Variants in CYRIB observed in about 807,000 individuals in gnomAD.
CYRIB encodes the protein CYFIP related Rac1 interactor B.
CYRIB carries 8 observed loss-of-function variants against 44.2 expected under a neutral mutation model. The ratio of observed to expected loss-of-function variants is 0.18; its 90% CI spans 0.11 to 0.33. The LOEUF (loss-of-function observed/expected upper bound fraction) is 0.33, where lower values mean the gene tolerates loss of function less well. Among genes scored for constraint, CYRIB ranks in the 10% least tolerant of loss-of-function variants. The pLI is 1.00. For missense variants in CYRIB, 185 were observed against 382.8 expected (o/e 0.48, Z 4.31); for synonymous variants, 131 against 127.2 (o/e 1.03, Z -0.20).
At chr8:129,855,824 A>G (rs367790590) in intron 5 of CYRIB, 77 bp from the exon 8 acceptor site, 5 of 1,292,926 alleles carry the variant, frequency 3.9e-6, no homozygotes, top group Non-Finnish European at 2.1e-6. Flanking sequence ...TGAACAATTC[A>G]TAAATGTTAA....
chr8:129,924,328 C>G lies in CYRIB; in HGVS notation c.-50+15280G>C, dbSNP rs375634585. Among the ~76,000 whole-genome samples, 82 of 121,898 alleles carry G rather than the reference C, an allele frequency of 6.7e-4. 1 individual carries two copies. The highest frequency in any genetic ancestry group is 1.2e-3 in the Non-Finnish European group (73 of 59,060). The allele number at this position is 121,898 out of a possible 152,430, so 80.0% of individuals were successfully genotyped here. On this transcript the variant is annotated intron_variant, in intron 1 of 11. Coordinates refer to ENST00000519824, the Ensembl canonical transcript of CYRIB. The stretch of plus-strand genomic sequence containing the variant: ...GGGTGGCGGGGGGGGTGTTACTTAC[C>G]TCACATCAGTGCTAATAAGAGGTCA...
intron 1 of CYRIB, among the ~76,000 whole-genome samples, chr8:129,989,293 G>C (rs1005584858): frequency 6.6e-6 from 1 of 152,058 alleles, no homozygotes; most frequent in Non-Finnish European, 1.5e-5. Flanking sequence ...CTCTCCTACC[G>C]GTAAATATGG....
At position 129,930,210 on chromosome 8, in the gene CYRIB, C is replaced by CA. The variant is rs1205123071; in HGVS notation, c.-50+9397dup. ...TGAGTGACAGAGCGAGACTCTGTCT[C>CA]AAAAAAAACAAACAAACAAATAAAA... On this transcript the variant is annotated intron_variant, in intron 1 of 11. Transcript: ENST00000519824. Among the ~76,000 whole-genome samples the CA allele has an allele frequency of 2.3e-3, 346 of 148,598 alleles. 4 individuals are homozygous for CA. The highest frequency in any genetic ancestry group is 8.0e-3 in the African/African-American group (324 of 40,510).
At chr8:129,995,708 G>A (rs1157047415) in intron 1 of CYRIB, among the ~76,000 whole-genome samples, 4 of 152,150 alleles carry the variant, frequency 2.6e-5, no homozygotes, top group Non-Finnish European at 5.9e-5. Context: ...CATTTGCTGG[G>A]CATCACAGAT....
intron 1 of CYRIB, among the ~76,000 whole-genome samples, chr8:129,931,994 CTTCT>C (rs1409077713): frequency 2.1e-5 from 3 of 146,336 alleles, no homozygotes; most frequent in African/African-American, 2.5e-5. Flanking sequence ...TCATAAGTAT[CTTCT>C]TTTTTTTTTT....
intron 1 of CYRIB, among the ~76,000 whole-genome samples, chr8:129,908,952 A>C (rs77519872): frequency 9.8e-6 from 1 of 101,566 alleles, no homozygotes; most frequent in African/African-American, 3.3e-5. Context: ...TAAAGATTTT[A>C]AAAAAATGTT....
chr8:129,985,427 G>A (rs28702583), intron 1 of CYRIB, among the ~76,000 whole-genome samples: 26 of 152,118 alleles, frequency 1.7e-4, no homozygotes, highest in Non-Finnish European at 1.6e-4. Flanking sequence ...TCCATGAGCC[G>A]GTGACCCACT....
intron 1 of CYRIB, among the ~76,000 whole-genome samples, chr8:130,001,740 A>G (rs2096913872): frequency 6.6e-6 from 1 of 151,870 alleles, no homozygotes; most frequent in African/African-American, 2.4e-5. Flanking sequence ...TCGACTTCCA[A>G]AAGTGTTGGG....
At chr8:129,978,875 T>TCTGTAATCCCAGCACTTTGGGAGGC (rs1390541788) in intron 1 of CYRIB, among the ~76,000 whole-genome samples, 1 of 152,016 alleles carries the variant, frequency 6.6e-6, no homozygotes, top group Non-Finnish European at 1.5e-5. Context: ...GTGGCTCACG[T>TCTGTAATCCCAGCACTTTGGGAGGC]CTGTAATCCC....
chr8:129,864,792 C>T, intron 4 of CYRIB: 1 of 438,430 alleles, frequency 2.3e-6, no homozygotes, highest in East Asian at 7.1e-5. Flanking sequence ...CACTGTGGGG[C>T]CGCGTCCTGA....
intron 1 of CYRIB, among the ~76,000 whole-genome samples, chr8:129,982,632 T>C (rs1317871155): frequency 1.3e-5 from 2 of 152,186 alleles, no homozygotes; most frequent in Non-Finnish European, 2.9e-5. Flanking sequence ...TGCAACAATG[T>C]ATGGAAAGTG....
rs140166199 is a variant in CYRIB at position 129,894,123 on chromosome 8, T to C, written c.-11+9189A>G. On this transcript the variant is annotated intron_variant, in intron 2 of 11. Transcript: ENST00000519824. Reference sequence around the variant, plus strand: ...TTCCACTTTTAAATATTAACAGTTATGCTTTACACCTCCATACACACACTA... The same window carrying C: ...TTCCACTTTTAAATATTAACAGTTACGCTTTACACCTCCATACACACACTA... 2.0e-3 allele frequency among the ~76,000 whole-genome samples: 298 copies of C among 152,346 alleles called. 1 individual carries two copies. The highest frequency in any genetic ancestry group is 0.012 in the South Asian group (57 of 4,832).
At chr8:129,948,643 G>A (rs887323315) in intron 2 of CYRIB, 1 of 152,230 alleles carries the variant, frequency 6.6e-6, no homozygotes, top group Admixed American at 6.5e-5. Context: ...GGAGAAAAAG[G>A]GTGGGCCGTT....
intron 3 of CYRIB, 37 bp from the exon 6 acceptor site, chr8:129,871,533 C>A: frequency 1.9e-6 from 3 of 1,597,476 alleles, no homozygotes; most frequent in Non-Finnish European, 2.6e-6. Context: ...TTTACAGTGA[C>A]ATGAATTTTT....
chr8:129,965,484 C>T (rs945712710), intron 2 of CYRIB, among the ~76,000 whole-genome samples: 4 of 152,078 alleles, frequency 2.6e-5, no homozygotes, highest in Admixed American at 6.6e-5. Flanking sequence ...TAAACAATGG[C>T]GGAGCAATCC....
chr8:129,960,413 G>A (rs1466360757), intron 2 of CYRIB, among the ~76,000 whole-genome samples: 1 of 152,048 alleles, frequency 6.6e-6, no homozygotes, highest in Non-Finnish European at 1.5e-5. Flanking sequence ...TGGCCAACAT[G>A]GCGAAACCCC....
intron 1 of CYRIB, among the ~76,000 whole-genome samples, chr8:129,939,353 A>C (rs962186680): frequency 6.6e-6 from 1 of 151,122 alleles, no homozygotes; most frequent in Admixed American, 6.6e-5. Context: ...TGGAGGTGCC[A>C]ATGGAAGGAA....
intron 1 of CYRIB, among the ~76,000 whole-genome samples, chr8:129,988,737 G>A (rs2096546948): frequency 6.6e-6 from 1 of 152,010 alleles, no homozygotes; most frequent in Non-Finnish European, 1.5e-5. Flanking sequence ...GAAAGAGGCT[G>A]AGTTCAATAT....
intron 2 of CYRIB, among the ~76,000 whole-genome samples, chr8:129,970,286 C>T (rs541616439): frequency 1.3e-5 from 2 of 152,016 alleles, no homozygotes; most frequent in South Asian, 2.1e-4. Context: ...TCTAGGAAAC[C>T]GGGGGAAAAA....
Sources: allele counts gnomAD v4.1 joint callset (sites outside exome capture counted in the v4.1 genomes callset), GRCh38; gene constraint gnomAD v4.1.1; transcripts MANE v1.5; gene names NCBI Gene and HGNC (gene_info 2026-07-23, HGNC 2026-07-21).